The following IGSF10 variants were observed in gnomAD, a reference collection of about 807,000 sequenced individuals.
IGSF10 encodes calvaria mechanical force protein 608.
IGSF10 carries 126 observed loss-of-function variants against 128.2 expected under a neutral mutation model. The ratio of observed to expected loss-of-function variants is 0.98; its 90% CI spans 0.85 to 1.14. The LOEUF is 1.14. IGSF10 is among the 50% of genes most tolerant of loss of function. The probability of loss-of-function intolerance (pLI) is 0.00; values close to 1 mark genes in which losing one functional copy is unlikely to be tolerated. For missense variants in IGSF10, 3,295 were observed against 3,149.8 expected (o/e 1.05, Z -1.10); for synonymous variants, 1,185 against 1,146.2 (o/e 1.03, Z -0.68).
the IGSF10 span, among the ~76,000 whole-genome samples, chr3:151,477,506 G>T: frequency 1.2e-4 from 18 of 151,956 alleles, no homozygotes; most frequent in Non-Finnish European, 2.5e-4. Context: ...ATTTTTCATT[G>T]TTATTTTAAG....
chr3:151,445,561 G>C lies in IGSF10; in HGVS notation c.4420C>G (p.Pro1474Ala). 6.2e-7 allele frequency: 1 copy of C among 1,614,178 alleles called. No homozygotes were observed. Among genetic ancestry groups the C allele is most frequent in the Non-Finnish European group, 8.5e-7 (1 of 1,180,002 alleles). Reference protein sequence around the residue: ...PFLSSSATLMPVPISPPFTQR... With the variant: ...PFLSSSATLMAVPISPPFTQR... ...GTAAAGGGAGGGGAGATGGGAACTGGCATTAGAGTAGCACTGCTGCTCAAG... is the reference window on the plus strand; with the variant it reads ...GTAAAGGGAGGGGAGATGGGAACTGCCATTAGAGTAGCACTGCTGCTCAAG... The change falls in exon 6 of 8, where the codon CCA becomes GCA. Residue 1474 changes from proline to alanine, a missense_variant. Coordinates refer to ENST00000282466, the MANE Select transcript of IGSF10 (RefSeq NM_178822.5).
At chr3:151,484,570 G>A in the IGSF10 span, among the ~76,000 whole-genome samples, 66 of 152,156 alleles carry the variant, frequency 4.3e-4, no homozygotes, top group Non-Finnish European at 2.2e-4. Context: ...CATCTGGCAG[G>A]TGCCCCTCTG....
chr3:151,455,408 C>A (rs866718792), intron 4 of IGSF10, among the ~76,000 whole-genome samples: 5 of 152,044 alleles, frequency 3.3e-5, no homozygotes, highest in African/African-American at 1.2e-4. Context: ...CCACTGCGCC[C>A]GGCCTAAAGT....
the IGSF10 span, among the ~76,000 whole-genome samples, chr3:151,609,322 T>C: frequency 2.0e-5 from 3 of 151,842 alleles, no homozygotes; most frequent in African/African-American, 4.8e-5. Flanking sequence ...TATGCTAGAG[T>C]TGGAATTTTA....
At chr3:151,555,999 A>C in the IGSF10 span, among the ~76,000 whole-genome samples, 2 of 152,140 alleles carry the variant, frequency 1.3e-5, no homozygotes, top group African/African-American at 4.8e-5. Context: ...GTTTAATGTG[A>C]TTTCACACAT....
At chr3:151,485,665 G>T in the IGSF10 span, among the ~76,000 whole-genome samples, 25 of 152,148 alleles carry the variant, frequency 1.6e-4, no homozygotes, top group African/African-American at 5.6e-4. Flanking sequence ...TTAAAGGAAA[G>T]AATTTTCAAC....
the IGSF10 span, among the ~76,000 whole-genome samples, chr3:151,514,239 A>G: frequency 9.9e-5 from 15 of 152,196 alleles, no homozygotes; most frequent in African/African-American, 3.4e-4. Context: ...AGGTTACAGT[A>G]ACCAAAACAG....
At chr3:151,526,142 A>C in the IGSF10 span, among the ~76,000 whole-genome samples, 1 of 152,188 alleles carries the variant, frequency 6.6e-6, no homozygotes, top group Non-Finnish European at 1.5e-5. Context: ...GCAGAACTGA[A>C]AGGGAAAAGT....
At chr3:151,440,761 G>C (rs928082214) in intron 7 of IGSF10, 2 of 388,062 alleles carry the variant, frequency 5.2e-6, no homozygotes, top group Non-Finnish European at 1.0e-5. Flanking sequence ...GTGCAGCATG[G>C]CTTGGGCATC....
chr3:151,601,101 C>G, the IGSF10 span, among the ~76,000 whole-genome samples: 1 of 151,262 alleles, frequency 6.6e-6, no homozygotes, highest in African/African-American at 2.4e-5. Context: ...AAGAATTTTC[C>G]CCACTTAGCT....
the IGSF10 span, among the ~76,000 whole-genome samples, chr3:151,479,165 CA>C: frequency 6.6e-6 from 1 of 152,158 alleles, no homozygotes; most frequent in African/African-American, 2.4e-5. Context: ...AAAGAGTTCA[CA>C]AAGATCAACG....
chr3:151,439,574 A>G (rs1720711493), intron 7 of IGSF10, among the ~76,000 whole-genome samples: 2 of 152,254 alleles, frequency 1.3e-5, no homozygotes, highest in African/African-American at 2.4e-5. Flanking sequence ...AGATCACACC[A>G]CTACACTCTA....
At chr3:151,519,204 G>A in the IGSF10 span, among the ~76,000 whole-genome samples, 1 of 151,766 alleles carries the variant, frequency 6.6e-6, no homozygotes, top group South Asian at 2.1e-4. Flanking sequence ...TGTGTCTGTG[G>A]AGACTATGGC....
chr3:151,547,020 C>CCG, the IGSF10 span, among the ~76,000 whole-genome samples: 16 of 152,140 alleles, frequency 1.1e-4, no homozygotes, highest in African/African-American at 3.6e-4. Flanking sequence ...ATCCACCCCC[C>CCG]CCTTGGCCTC....
At chr3:151,455,046 T>G (rs1472060708) in intron 4 of IGSF10, among the ~76,000 whole-genome samples, 1 of 152,112 alleles carries the variant, frequency 6.6e-6, no homozygotes, top group Admixed American at 6.6e-5. Context: ...TGGTTTTTAG[T>G]ATATTCATAG....
chr3:151,617,301 CTTCTTCTTCTT>C, the IGSF10 span, among the ~76,000 whole-genome samples: 3 of 132,114 alleles, frequency 2.3e-5, no homozygotes, highest in Admixed American at 1.6e-4. Flanking sequence ...TCTTCTTCTT[CTTCTTCTTCTT>C]CTTCTTCCCC....
the IGSF10 span, among the ~76,000 whole-genome samples, chr3:151,582,635 A>T: frequency 6.6e-6 from 1 of 151,890 alleles, no homozygotes. Context: ...TTATTTTTTC[A>T]CCCATTCAAC....
At chr3:151,571,247 G>T in the IGSF10 span, among the ~76,000 whole-genome samples, 22 of 152,290 alleles carry the variant, frequency 1.4e-4, no homozygotes, top group African/African-American at 5.3e-4. Context: ...CTTTAAGGTG[G>T]TTTTTTCCAA....
intron 4 of IGSF10, among the ~76,000 whole-genome samples, chr3:151,455,110 C>T (rs1292604260): frequency 6.6e-6 from 1 of 151,050 alleles, no homozygotes; most frequent in Non-Finnish European, 1.5e-5. Context: ...TTCTTTTTTG[C>T]GTTTTGTTTT....
Sources: gnomAD v4.1 joint callset for allele counts (sites outside exome capture counted in the v4.1 genomes callset) on GRCh38, gnomAD v4.1.1 for gene constraint, MANE v1.5 for transcripts, NCBI Gene and HGNC (gene_info 2026-07-23, HGNC 2026-07-21) for gene names.